The following GABBR2 variants were observed in gnomAD, a reference collection of about 807,000 sequenced individuals.
GABBR2 encodes G-protein coupled receptor 51.
A neutral mutation model predicts 105.6 loss-of-function variants in GABBR2; 23 were observed. The observed-to-expected ratio is 0.22, with a 90% confidence interval of 0.16 to 0.31. The LOEUF (loss-of-function observed/expected upper bound fraction) is 0.31, where lower values mean the gene tolerates loss of function less well. GABBR2 is among the 10% of genes least tolerant of loss of function. The pLI is 1.00. For synonymous variants in GABBR2, 478 were observed against 499.7 expected (o/e 0.96, Z 0.58); for missense variants, 734 against 1,245.5 (o/e 0.59, Z 6.18).
At chr9:98,453,699 C>T (rs1461320810) in intron 7 of GABBR2, among the ~76,000 whole-genome samples, 1 of 152,210 alleles carries the variant, frequency 6.6e-6, no homozygotes, top group Non-Finnish European at 1.5e-5. Context: ...GAACGCTTTT[C>T]AACCATTTTT....
intron 1 of GABBR2, among the ~76,000 whole-genome samples, chr9:98,664,158 G>A (rs576593647): frequency 5.9e-5 from 9 of 152,192 alleles, no homozygotes; most frequent in Non-Finnish European, 1.3e-4. Flanking sequence ...AGTTGAGCAA[G>A]GCCGAGCAGA....
At chr9:98,504,229 A>C (rs1827461290) in intron 3 of GABBR2, among the ~76,000 whole-genome samples, 1 of 152,248 alleles carries the variant, frequency 6.6e-6, no homozygotes, top group Admixed American at 6.5e-5. Context: ...CATGAGACAG[A>C]AAGCAAGAAA....
At chr9:98,372,194 C>T (rs1282970563) in intron 11 of GABBR2, among the ~76,000 whole-genome samples, 2 of 152,206 alleles carry the variant, frequency 1.3e-5, no homozygotes, top group East Asian at 3.9e-4. Context: ...CAACTTGGAT[C>T]CCTGAAGGCT....
chr9:98,683,684 C>G (rs2131871877), intron 1 of GABBR2, among the ~76,000 whole-genome samples: 1 of 151,692 alleles, frequency 6.6e-6, no homozygotes, highest in South Asian at 2.1e-4. Context: ...AAAAAACCAA[C>G]AACTAGAAAC....
intron 12 of GABBR2, 68 bp from the exon 13 acceptor site, chr9:98,362,905 C>T: frequency 7.2e-7 from 1 of 1,395,356 alleles, no homozygotes; most frequent in Non-Finnish European, 9.5e-7. Flanking sequence ...AACTGGGGGC[C>T]CAGGTCATAG....
intron 6 of GABBR2, among the ~76,000 whole-genome samples, chr9:98,462,843 A>G (rs754141044): frequency 1.4e-4 from 21 of 152,226 alleles, no homozygotes; most frequent in Non-Finnish European, 2.9e-4. Flanking sequence ...ACCAAAATAT[A>G]TCAAATGCCC....
At chr9:98,576,498 A>G (rs1047145217) in intron 2 of GABBR2, among the ~76,000 whole-genome samples, 6 of 152,142 alleles carry the variant, frequency 3.9e-5, no homozygotes, top group Admixed American at 1.3e-4. Flanking sequence ...TCCTTCTGTC[A>G]TCGCCAAGTT....
At chr9:98,581,582 C>T (rs1829004597) in intron 1 of GABBR2, among the ~76,000 whole-genome samples, 1 of 152,014 alleles carries the variant, frequency 6.6e-6, no homozygotes, top group Non-Finnish European at 1.5e-5. Flanking sequence ...TATTAATTAT[C>T]CCTGTTCCTT....
At position 98,453,895 on chromosome 9, in the gene GABBR2, T is replaced by C. The variant is rs3802477; in HGVS notation, c.1236+86A>G. On this transcript the variant is annotated intron_variant, in intron 7 of 18. Coordinates refer to ENST00000259455, the MANE Select transcript of GABBR2 (RefSeq NM_005458.8). Reference sequence around the variant, plus strand: ...CAATGATCAGAGATAACAGATCACATAACAGAAAGCCTGTAACAGCCCCTC... The same window carrying C: ...CAATGATCAGAGATAACAGATCACACAACAGAAAGCCTGTAACAGCCCCTC... 47,750 of 892,898 alleles carry C rather than the reference T, an allele frequency of 0.053. 1,645 individuals carry two copies. Among genetic ancestry groups the C allele is most frequent in the East Asian group, 0.15 (6,322 of 41,596 alleles). 55.3% of individuals were successfully genotyped at this position (892,898 alleles called of 1,614,324 possible).
At chr9:98,572,750 T>A (rs547773397) in intron 2 of GABBR2, among the ~76,000 whole-genome samples, 2 of 152,174 alleles carry the variant, frequency 1.3e-5, no homozygotes, top group East Asian at 3.9e-4. Flanking sequence ...TATATCTTCC[T>A]TGCCTGGCTG....
chr9:98,527,966 A>G (rs1238075886), intron 3 of GABBR2, among the ~76,000 whole-genome samples: 2 of 152,254 alleles, frequency 1.3e-5, no homozygotes, highest in Non-Finnish European at 2.9e-5. Flanking sequence ...CGTCCAAGAC[A>G]GTAGCCATCA....
At chr9:98,316,204 T>A (rs1412152126) in intron 13 of GABBR2, among the ~76,000 whole-genome samples, 1 of 151,332 alleles carries the variant, frequency 6.6e-6, no homozygotes, top group Non-Finnish European at 1.5e-5. Flanking sequence ...CAGGCTGGAG[T>A]GCAATGGCGC....
chr9:98,553,956 CA>C (rs1380150043), intron 2 of GABBR2, among the ~76,000 whole-genome samples: 2 of 152,192 alleles, frequency 1.3e-5, no homozygotes, highest in African/African-American at 4.8e-5. Context: ...TTGATCTTCA[CA>C]AAAACCCATG....
Position 98,326,125 on chromosome 9 carries a change from G to A in GABBR2, c.1894-14920C>T, listed in dbSNP as rs372903596. 1.3e-4 allele frequency among the ~76,000 whole-genome samples: 20 copies of A among 152,330 alleles called. No homozygotes were observed. In the South Asian group the frequency reaches 3.5e-3, roughly 27 times the overall value. The stretch of plus-strand genomic sequence containing the variant: ...GGGAAGAGCCAAATGAGAGAAGGGA[G>A]TGGCCAATCCAAAGGAAAGATGGGG... On this transcript the variant is annotated intron_variant, in intron 13 of 18. Coordinates refer to ENST00000259455, the MANE Select transcript of GABBR2 (RefSeq NM_005458.8).
chr9:98,489,649 G>A (rs1488633751), intron 4 of GABBR2, among the ~76,000 whole-genome samples: 6 of 151,986 alleles, frequency 3.9e-5, no homozygotes, highest in African/African-American at 7.2e-5. Flanking sequence ...AGTTTCGAAC[G>A]TAATATCAAC....
chr9:98,509,117 C>G (rs1827581263), intron 3 of GABBR2, among the ~76,000 whole-genome samples: 1 of 152,188 alleles, frequency 6.6e-6, no homozygotes, highest in Non-Finnish European at 1.5e-5. Flanking sequence ...TCTCCAATAT[C>G]CATTGTTCTG....
At chr9:98,522,860 C>A (rs986362169) in intron 3 of GABBR2, among the ~76,000 whole-genome samples, 1 of 152,086 alleles carries the variant, frequency 6.6e-6, no homozygotes, top group Non-Finnish European at 1.5e-5. Context: ...AGCATATCCA[C>A]AATGTAAAGA....
chr9:98,412,962 T>C (rs1832616198), intron 7 of GABBR2, among the ~76,000 whole-genome samples: 1 of 152,224 alleles, frequency 6.6e-6, no homozygotes, highest in South Asian at 2.1e-4. Context: ...CTTTATTGAA[T>C]CTAAGCATAA....
rs569302026 is a variant in GABBR2 at position 98,508,681 on chromosome 9, G to A, written c.631-12167C>T. Among the ~76,000 whole-genome samples the A allele has an allele frequency of 2.2e-3, 331 of 152,258 alleles. 1 individual carries two copies. The highest frequency in any genetic ancestry group is 7.4e-3 in the African/African-American group (306 of 41,510). On this transcript the variant is annotated intron_variant, in intron 3 of 18. Coordinates refer to ENST00000259455, the MANE Select transcript of GABBR2 (RefSeq NM_005458.8). ...TCGCTCATTGCTAGCACAGCAGTCC[G>A]AGATCAAGCTGCAAGGCAACAGCGA...
Sources: allele counts gnomAD v4.1 joint callset (sites outside exome capture counted in the v4.1 genomes callset), GRCh38; gene constraint gnomAD v4.1.1; transcripts MANE v1.5; gene names NCBI Gene and HGNC (gene_info 2026-07-23, HGNC 2026-07-21).